The following PARD3B variants were observed in gnomAD, a reference collection of about 807,000 sequenced individuals.
The protein encoded by PARD3B is par-3 family cell polarity regulator beta.
Under a neutral mutation model 130.2 loss-of-function variants are expected in PARD3B, and 103 were observed. The observed-to-expected ratio is 0.79, with a 90% CI of 0.67 to 0.93. PARD3B has a LOEUF of 0.93. Ranked by LOEUF, PARD3B falls within the 40% of genes least tolerant of loss-of-function variation. The pLI is 0.00. For synonymous variants in PARD3B, 583 were observed against 553.2 expected, an observed-to-expected ratio of 1.05 and a Z score of -0.76; for missense variants, 1,609 against 1,499.2, an observed-to-expected ratio of 1.07 and a Z score of -1.21.
chr2:205,225,241 C>G (rs1041556091), intron 15 of PARD3B, among the ~76,000 whole-genome samples: 1 of 152,106 alleles, frequency 6.6e-6, no homozygotes, highest in Admixed American at 6.5e-5. Flanking sequence ...TTGAGGGTTC[C>G]CTTTTCTCCA....
chr2:204,991,455 T>C (rs1319417961), intron 3 of PARD3B, among the ~76,000 whole-genome samples: 2 of 142,300 alleles, frequency 1.4e-5, no homozygotes, highest in Non-Finnish European at 3.0e-5. Flanking sequence ...ATGTGCCACA[T>C]TTTCTTAATC....
At chr2:205,200,146 T>C (rs915913950) in intron 15 of PARD3B, among the ~76,000 whole-genome samples, 2 of 152,156 alleles carry the variant, frequency 1.3e-5, no homozygotes, top group Non-Finnish European at 2.9e-5. Context: ...TTGAGACTTA[T>C]GGGTCAAATT....
Position 204,664,866 on chromosome 2 carries a change from CCTTTT to C in PARD3B, c.121-21310_121-21306del, listed in dbSNP as rs2035957115. 6.6e-6 allele frequency among the ~76,000 whole-genome samples: 1 copy of C among 152,156 alleles called. No individual in the cohort carries two copies. Among genetic ancestry groups the C allele is most frequent in the African/African-American group, 2.4e-5 (1 of 41,446 alleles). On this transcript the variant is annotated intron_variant, in intron 1 of 22. Coordinates refer to ENST00000406610, the MANE Select transcript of PARD3B (RefSeq NM_001302769.2). The surrounding 1 kb of genome is among the most constrained non-coding windows in gnomAD (Gnocchi z 5.2). ...TATAATCAGTGTCTTCTCACTCTCT[CCTTTT>C]CTTTCATCTCATTCTTTACCATGTT...
chr2:205,611,127 C>G (rs1237357559), intron 22 of PARD3B, among the ~76,000 whole-genome samples: 2 of 152,114 alleles, frequency 1.3e-5, no homozygotes, highest in Non-Finnish European at 2.9e-5. Flanking sequence ...TGAGAATGAC[C>G]AGCTGTGGCA....
intron 18 of PARD3B, among the ~76,000 whole-genome samples, chr2:205,383,885 T>A (rs903991389): frequency 6.6e-5 from 10 of 152,094 alleles, no homozygotes; most frequent in Non-Finnish European, 1.5e-4. Flanking sequence ...AGTATACTGT[T>A]GCATGGGTGT....
In PARD3B at chr2:204,945,366, CT is replaced by C. The variant is rs749400237; in HGVS notation, c.223-19784del. Among the ~76,000 whole-genome samples, 4 of 152,176 alleles carry C rather than the reference CT, an allele frequency of 2.6e-5. 1 individual carries two copies. Among genetic ancestry groups the C allele is most frequent in the Admixed American group, 1.3e-4 (2 of 15,282 alleles). ...ACTGCATACTTGTATAAGTCAGATC[CT>C]TGCTGGGCCCTTCAGACCAGCTAGC... On this transcript the variant is annotated intron_variant, in intron 2 of 22. Transcript: ENST00000406610.
At chr2:205,539,315 T>C (rs1003347799) in intron 21 of PARD3B, among the ~76,000 whole-genome samples, 2 of 152,212 alleles carry the variant, frequency 1.3e-5, no homozygotes, top group African/African-American at 4.8e-5. Context: ...AGAACATGCT[T>C]TGATCATTGC....
rs112588799 is a variant in PARD3B, at chr2:204,588,271, A to T, written c.120+42152A>T. Among the ~76,000 whole-genome samples, 1,360 of 152,314 alleles carry T rather than the reference A, an allele frequency of 8.9e-3. 19 individuals carry two copies. Among genetic ancestry groups the T allele is most frequent in the African/African-American group, 0.032 (1,321 of 41,558 alleles). ...ACAAGCTAAACAATATCATGGAGTT[A>T]TAGGAACCTATTTATTGTACATGTA... On this transcript the variant is annotated intron_variant, in intron 1 of 22. Transcript: ENST00000406610.
At chr2:204,556,083 A>G (rs1396630151) in intron 1 of PARD3B, among the ~76,000 whole-genome samples, 1 of 152,202 alleles carries the variant, frequency 6.6e-6, no homozygotes. Flanking sequence ...GAAGAGCACC[A>G]GGTCATAGTA....
chr2:204,889,031 G>A (rs2046360266), intron 2 of PARD3B, among the ~76,000 whole-genome samples: 1 of 152,104 alleles, frequency 6.6e-6, no homozygotes, highest in Non-Finnish European at 1.5e-5. Context: ...ATAAGTAGAG[G>A]TGCTATTGCT....
intron 18 of PARD3B, among the ~76,000 whole-genome samples, chr2:205,337,841 A>G (rs34052106): frequency 0.11 from 17,288 of 152,142 alleles, 1,069 homozygotes; most frequent in African/African-American, 0.12. Context: ...TCAGTGTTCT[A>G]CTTTTTTCTT....
chr2:205,362,321 T>C (rs2044419893), intron 18 of PARD3B, among the ~76,000 whole-genome samples: 1 of 152,234 alleles, frequency 6.6e-6, no homozygotes, highest in South Asian at 2.1e-4. Context: ...CAGCTATTTA[T>C]TTCTGTTGTT....
chr2:204,629,124 T>C (rs1232381851), intron 1 of PARD3B, among the ~76,000 whole-genome samples: 2 of 152,136 alleles, frequency 1.3e-5, no homozygotes, highest in Non-Finnish European at 2.9e-5. Flanking sequence ...TCCAAAGCTT[T>C]CACAGGGGAA....
chr2:205,560,269 G>A (rs2053082583), intron 22 of PARD3B, among the ~76,000 whole-genome samples: 1 of 152,152 alleles, frequency 6.6e-6, no homozygotes, highest in East Asian at 1.9e-4. Context: ...TTAAGGACAG[G>A]GACTGTGTCT....
chr2:205,296,231 AG>A (rs1335185425), intron 16 of PARD3B, among the ~76,000 whole-genome samples: 1 of 152,234 alleles, frequency 6.6e-6, no homozygotes, highest in Non-Finnish European at 1.5e-5. Context: ...TAACTCAAGA[AG>A]TAATTAGCAG....
intron 3 of PARD3B, among the ~76,000 whole-genome samples, chr2:204,966,732 G>T (rs1303331482): frequency 6.6e-6 from 1 of 151,838 alleles, no homozygotes; most frequent in Non-Finnish European, 1.5e-5. Context: ...AATATCGAAT[G>T]CAAGAAAAAA....
At chr2:204,910,247 A>G (rs1370977418) in intron 2 of PARD3B, among the ~76,000 whole-genome samples, 1 of 152,202 alleles carries the variant, frequency 6.6e-6, no homozygotes, top group Non-Finnish European at 1.5e-5. Flanking sequence ...AAAGAGGTTT[A>G]GAATTTTGAT....
At chr2:204,976,756 G>A (rs571830375) in intron 3 of PARD3B, among the ~76,000 whole-genome samples, 82 of 151,884 alleles carry the variant, frequency 5.4e-4, no homozygotes, top group Non-Finnish European at 9.9e-4. Flanking sequence ...AGAGGTGCGG[G>A]CCATCACACC....
chr2:205,124,732 C>T (rs994485069), intron 9 of PARD3B, among the ~76,000 whole-genome samples: 1 of 152,164 alleles, frequency 6.6e-6, no homozygotes, highest in Non-Finnish European at 1.5e-5. Flanking sequence ...CTTATTTCTA[C>T]CTCTTAGAGT....
Sources: allele counts gnomAD v4.1 joint callset (sites outside exome capture counted in the v4.1 genomes callset), GRCh38; gene constraint gnomAD v4.1.1; non-coding constraint Gnocchi (gnomAD v3.1); transcripts MANE v1.5; gene names NCBI Gene and HGNC (gene_info 2026-07-23, HGNC 2026-07-21).